Variants in MED15 observed in about 807,000 individuals in gnomAD.
The protein encoded by MED15 is mediator complex subunit 15.
A neutral mutation model predicts 118.7 loss-of-function variants in MED15; 41 were observed. That is an observed-to-expected ratio of 0.35 (90% CI 0.27 to 0.45). The LOEUF is 0.45. MED15 is among the 20% of genes least tolerant of loss of function. The pLI, the probability that MED15 is intolerant of heterozygous loss-of-function variation, is 1.00. For synonymous variants in MED15, 436 were observed against 413.9 expected, an observed-to-expected ratio of 1.05 and a Z score of -0.65; for missense variants, 740 against 1,025.5, an observed-to-expected ratio of 0.72 and a Z score of 3.80.
intron 5 of MED15, among the ~76,000 whole-genome samples, chr22:20,560,894 A>G (rs1034186256): frequency 1.1e-4 from 16 of 152,230 alleles, no homozygotes; most frequent in African/African-American, 3.9e-4. Context: ...CTCTTAATAG[A>G]ATGTCTGCTG....
At chr22:20,564,343 C>T (rs560370966) in intron 5 of MED15, 107 bp from the exon 6 acceptor site, 40 of 1,535,004 alleles carry the variant, frequency 2.6e-5, no homozygotes, top group South Asian at 1.3e-4. Flanking sequence ...CAGCGGCAGC[C>T]GTGGCAGTGG....
At chr22:20,539,830 A>T (rs987790746) in intron 2 of MED15, among the ~76,000 whole-genome samples, 1 of 152,048 alleles carries the variant, frequency 6.6e-6, no homozygotes, top group African/African-American at 2.4e-5. Context: ...AATGATGTTG[A>T]GCATCTTTTT....
Position 20,566,030 on chromosome 22 carries a change from C to CTT in MED15, c.691-418_691-417dup, listed in dbSNP as rs555771579. ...GGTCAGCCTGTCAGCCCAGGAAGGCCTTTTTTTTTTTTTTTTTTTTGAGAC... is the reference window on the plus strand; with the variant it reads ...GGTCAGCCTGTCAGCCCAGGAAGGCCTTTTTTTTTTTTTTTTTTTTTTGAGAC... On this transcript the variant is annotated intron_variant, in intron 6 of 17. Coordinates refer to ENST00000263205, the MANE Select transcript of MED15 (RefSeq NM_001003891.3). Among the ~76,000 whole-genome samples, 514 of 119,554 alleles carry CTT rather than the reference C, an allele frequency of 4.3e-3. 8 individuals are homozygous for CTT. The highest frequency in any genetic ancestry group is 9.8e-3 in the East Asian group (36 of 3,682). 78.4% of individuals were successfully genotyped at this position (119,554 alleles called of 152,430 possible).
intron 1 of MED15, among the ~76,000 whole-genome samples, chr22:20,516,874 C>T (rs1001123193): frequency 4.6e-5 from 7 of 152,102 alleles, no homozygotes; most frequent in East Asian, 3.9e-4. Flanking sequence ...TGTCCATATA[C>T]GCACCACTCT....
intron 1 of MED15, among the ~76,000 whole-genome samples, chr22:20,515,866 A>T (rs2054235411): frequency 6.6e-6 from 1 of 151,776 alleles, no homozygotes; most frequent in Admixed American, 6.6e-5. Flanking sequence ...AGCCAGGCAT[A>T]GTGGTGCACA....
intron 1 of MED15, among the ~76,000 whole-genome samples, chr22:20,521,047 G>T (rs2054429585): frequency 6.9e-6 from 1 of 145,316 alleles, no homozygotes; most frequent in Non-Finnish European, 1.5e-5. Context: ...CATCATGTGT[G>T]AAATTTATCC....
At chr22:20,544,942 TAGG>T (rs1326904151) in intron 2 of MED15, among the ~76,000 whole-genome samples, 1 of 152,182 alleles carries the variant, frequency 6.6e-6, no homozygotes, top group Non-Finnish European at 1.5e-5. Context: ...GCCTCCCTCT[TAGG>T]AGGATACATG....
intron 1 of MED15, among the ~76,000 whole-genome samples, chr22:20,517,311 C>G (rs986165959): frequency 1.3e-5 from 2 of 152,168 alleles, no homozygotes; most frequent in East Asian, 3.8e-4. Context: ...TAGTCTTGAT[C>G]CTTCGTGCAG....
chr22:20,542,425 T>C (rs1022764819), intron 2 of MED15, among the ~76,000 whole-genome samples: 1 of 152,192 alleles, frequency 6.6e-6, no homozygotes, highest in Non-Finnish European at 1.5e-5. Context: ...TGCTACAACA[T>C]GGATGAAGCT....
At chr22:20,584,108 C>T (rs2057067250) in intron 13 of MED15, 1 of 551,934 alleles carries the variant, frequency 1.8e-6, no homozygotes, top group South Asian at 2.1e-5. Flanking sequence ...ATGAGGCATT[C>T]ACAGCCTGAT....
chr22:20,528,140 A>G (rs561123467), intron 1 of MED15, among the ~76,000 whole-genome samples: 6 of 152,122 alleles, frequency 3.9e-5, no homozygotes, highest in African/African-American at 1.4e-4. Context: ...TTTATTGGCC[A>G]TGTTATGGCG....
rs368413446 is a variant in MED15, at chr22:20,582,570, G to A, written c.1273-41G>A. On this transcript the variant is annotated intron_variant, in intron 9 of 17. Coordinates refer to ENST00000263205, the MANE Select transcript of MED15 (RefSeq NM_001003891.3). ...GCAGGTGGTGTGGAGGCAGGCGGGC[G>A]GGCGTGTGGCAGCGCGCCGGCTGAG... 2.1e-5 allele frequency: 33 copies of A among 1,535,628 alleles called. No homozygotes were observed. The Admixed American group carries it at 2.2e-4, about 10-fold the overall frequency.
intron 5 of MED15, among the ~76,000 whole-genome samples, chr22:20,556,152 G>A (rs979825372): frequency 6.6e-6 from 1 of 152,112 alleles, no homozygotes; most frequent in African/African-American, 2.4e-5. Flanking sequence ...GGAGTCACAG[G>A]AAGTTGTGGA....
chr22:20,522,439 G>T (rs921998519), intron 1 of MED15, among the ~76,000 whole-genome samples: 6 of 152,150 alleles, frequency 3.9e-5, no homozygotes, highest in African/African-American at 1.4e-4. Context: ...AGTAGGAAGG[G>T]AAAGGATGAT....
intron 1 of MED15, among the ~76,000 whole-genome samples, chr22:20,532,148 G>T (rs376487558): frequency 1.5e-4 from 23 of 152,354 alleles, no homozygotes; most frequent in African/African-American, 5.5e-4. Flanking sequence ...GGGCGTGGGG[G>T]TAGGAATGGG....
chr22:20,557,409 G>C (rs958529975), intron 5 of MED15, among the ~76,000 whole-genome samples: 1 of 152,044 alleles, frequency 6.6e-6, no homozygotes, highest in Non-Finnish European at 1.5e-5. Flanking sequence ...AGCACGTGCT[G>C]GTTTCCTCAT....
At chr22:20,574,985 C>T (rs1372422865) in intron 8 of MED15, 128 bp from the exon 9 acceptor site, 68 of 1,437,010 alleles carry the variant, frequency 4.7e-5, no homozygotes, top group Non-Finnish European at 6.4e-5. Flanking sequence ...CCAGGCTGCC[C>T]CGAGCTGCCC....
chr22:20,586,557 C>A lies in MED15; in HGVS notation c.2231-11C>A. On this transcript the variant is annotated splice_polypyrimidine_tract_variant and intron_variant, in intron 17 of 17. Coordinates refer to ENST00000263205, the MANE Select transcript of MED15 (RefSeq NM_001003891.3). ...GGCCGCCTTAGGTTCACGCCCACTG[C>A]TCTGTTGCAGACGCCAACCCCTTCC... is the stretch of plus-strand genomic sequence containing the variant. 5 of 1,611,672 alleles carry A rather than the reference C, an allele frequency of 3.1e-6. No individual in the cohort carries two copies. In the South Asian group the frequency reaches 5.5e-5, roughly 18 times the overall value.
intron 2 of MED15, among the ~76,000 whole-genome samples, chr22:20,538,475 C>T (rs1462134012): frequency 6.6e-6 from 1 of 151,998 alleles, no homozygotes; most frequent in African/African-American, 2.4e-5. Flanking sequence ...GTCTTGAACT[C>T]CTGATCTCAA....
Sources: allele counts gnomAD v4.1 joint callset (sites outside exome capture counted in the v4.1 genomes callset), GRCh38; gene constraint gnomAD v4.1.1; transcripts MANE v1.5; gene names NCBI Gene and HGNC (gene_info 2026-07-23, HGNC 2026-07-21).